Variants in PDE4D observed in about 807,000 individuals in gnomAD.
The protein encoded by PDE4D is phosphodiesterase 4D.
PDE4D carries 24 observed loss-of-function variants against 87.4 expected under a neutral mutation model. The observed-to-expected ratio is 0.27, with a 90% CI of 0.20 to 0.39. The LOEUF (loss-of-function observed/expected upper bound fraction) is 0.39. PDE4D is among the 10% of genes least tolerant of loss of function. PDE4D has a pLI of 1.00. For synonymous variants in PDE4D, 384 were observed against 383.2 expected, an observed-to-expected ratio of 1.00 and a Z score of -0.02; for missense variants, 714 against 1,041.0, an observed-to-expected ratio of 0.69 and a Z score of 4.32.
At chr5:60,367,144 T>C (rs553502322) in intron 1 of PDE4D, among the ~76,000 whole-genome samples, 14 of 152,190 alleles carry the variant, frequency 9.2e-5, no homozygotes, top group African/African-American at 3.4e-4. Context: ...AGAAGAATTT[T>C]TTGTCAATAA....
intron 1 of PDE4D, among the ~76,000 whole-genome samples, chr5:60,359,313 T>G (rs1420902371): frequency 1.3e-5 from 2 of 152,034 alleles, no homozygotes; most frequent in Non-Finnish European, 2.9e-5. Context: ...GAAGCTGAGG[T>G]GGGAGGATCA....
At chr5:60,445,068 C>T (rs569171212) in intron 1 of PDE4D, among the ~76,000 whole-genome samples, 2 of 152,048 alleles carry the variant, frequency 1.3e-5, no homozygotes, top group African/African-American at 2.4e-5. Flanking sequence ...CAGGGCGTAA[C>T]GTGATCCAAT....
chr5:59,256,525 G>A (rs1257729113), intron 1 of PDE4D, among the ~76,000 whole-genome samples: 4 of 152,042 alleles, frequency 2.6e-5, no homozygotes, highest in Non-Finnish European at 5.9e-5. Flanking sequence ...TATACCATTT[G>A]AATTTGAAAA....
At chr5:59,156,949 T>A in intron 5 of PDE4D, 1 of 191,898 alleles carries the variant, frequency 5.2e-6, no homozygotes, top group Non-Finnish European at 1.1e-5. Context: ...TTGCAGGAGA[T>A]TATAGACTGC....
At chr5:59,096,609 T>C (rs1040653163) in intron 5 of PDE4D, among the ~76,000 whole-genome samples, 4 of 152,142 alleles carry the variant, frequency 2.6e-5, no homozygotes, top group African/African-American at 9.7e-5. Context: ...TGGAAAGGTA[T>C]GGCACTAGAT....
intron 1 of PDE4D, among the ~76,000 whole-genome samples, chr5:59,640,191 G>T (rs891427341): frequency 1.3e-5 from 2 of 151,952 alleles, no homozygotes; most frequent in African/African-American, 4.8e-5. Flanking sequence ...CCATAACCTT[G>T]GAAGGCACAT....
At chr5:59,022,233 G>A (rs1042638577) in intron 6 of PDE4D, among the ~76,000 whole-genome samples, 5 of 152,074 alleles carry the variant, frequency 3.3e-5, no homozygotes, top group African/African-American at 7.2e-5. Flanking sequence ...GTCCAACCAG[G>A]TTTCACCAAA....
intron 1 of PDE4D, among the ~76,000 whole-genome samples, chr5:59,823,606 A>G (rs1467101215): frequency 6.6e-6 from 1 of 152,062 alleles, no homozygotes; most frequent in Non-Finnish European, 1.5e-5. Context: ...CATGAAACAG[A>G]TAGAGAGGTC....
At chr5:60,110,319 C>A (rs1478309118) in intron 2 of PDE4D, among the ~76,000 whole-genome samples, 2 of 151,626 alleles carry the variant, frequency 1.3e-5, no homozygotes, top group Non-Finnish European at 2.9e-5. Context: ...TCAAACAATT[C>A]AACAGAAAAA....
chr5:60,239,205 C>G (rs1746786486), intron 1 of PDE4D, among the ~76,000 whole-genome samples: 1 of 152,028 alleles, frequency 6.6e-6, no homozygotes, highest in Admixed American at 6.6e-5. Flanking sequence ...ATAATTATAT[C>G]TCCTAGCATC....
At chr5:59,509,986 A>C (rs1430841037) in intron 1 of PDE4D, among the ~76,000 whole-genome samples, 2 of 149,196 alleles carry the variant, frequency 1.3e-5, no homozygotes, top group Admixed American at 6.7e-5. Flanking sequence ...GTGTTCATGA[A>C]TTAACTAATA....
intron 1 of PDE4D, among the ~76,000 whole-genome samples, chr5:60,449,563 C>A (rs952465623): frequency 5.9e-5 from 9 of 151,322 alleles, no homozygotes; most frequent in African/African-American, 2.2e-4. Context: ...TTAGTGGGTG[C>A]AGCGCACCAG....
chr5:59,571,279 C>A (rs1821801303), intron 1 of PDE4D, among the ~76,000 whole-genome samples: 1 of 152,216 alleles, frequency 6.6e-6, no homozygotes. Flanking sequence ...CTGTACTCAG[C>A]AGTTTTGGAG....
At chr5:60,190,674 C>T (rs1343813712) in intron 1 of PDE4D, among the ~76,000 whole-genome samples, 1 of 152,186 alleles carries the variant, frequency 6.6e-6, no homozygotes, top group Non-Finnish European at 1.5e-5. Context: ...TATTCCATGG[C>T]CATTGCTGTG....
chr5:59,312,422 G>C (rs957222547), intron 1 of PDE4D, among the ~76,000 whole-genome samples: 1 of 152,154 alleles, frequency 6.6e-6, no homozygotes, highest in Non-Finnish European at 1.5e-5. Context: ...ACCCCAATCA[G>C]GACTACAATG....
chr5:59,838,766 A>G (rs984289792), intron 1 of PDE4D, among the ~76,000 whole-genome samples: 3 of 152,068 alleles, frequency 2.0e-5, no homozygotes, highest in Non-Finnish European at 4.4e-5. Context: ...TTCATGGATG[A>G]AAGACGTAGG....
intron 1 of PDE4D, among the ~76,000 whole-genome samples, chr5:59,559,631 T>C (rs1819602923): frequency 6.6e-6 from 1 of 152,156 alleles, no homozygotes; most frequent in South Asian, 2.1e-4. Flanking sequence ...AAGTCAGCTA[T>C]AGCTAATAGC....
At chr5:59,590,072 T>C (rs1468126103) in intron 1 of PDE4D, among the ~76,000 whole-genome samples, 1 of 152,126 alleles carries the variant, frequency 6.6e-6, no homozygotes, top group East Asian at 1.9e-4. Context: ...AAATTGAATA[T>C]TTTTGCAGAC....
intron 1 of PDE4D, among the ~76,000 whole-genome samples, chr5:59,788,071 C>G (rs552503357): frequency 3.4e-4 from 51 of 151,930 alleles, no homozygotes; most frequent in African/African-American, 1.2e-3. Context: ...TGTATAAAAC[C>G]CAACATTCTC....
Sources: gnomAD v4.1 joint callset for allele counts (sites outside exome capture counted in the v4.1 genomes callset) on GRCh38, gnomAD v4.1.1 for gene constraint, MANE v1.5 for transcripts, NCBI Gene and HGNC (gene_info 2026-07-23, HGNC 2026-07-21) for gene names.